CFAP52: variants seen among roughly 807,000 people sequenced by gnomAD.
CFAP52 encodes cilia and flagella associated protein 52, also known as cilia- and flagella-associated protein 52.
CFAP52 carries 57 observed loss-of-function variants against 70.5 expected under a neutral mutation model. The observed-to-expected ratio is 0.81, with a 90% confidence interval of 0.65 to 1.01. The LOEUF (loss-of-function observed/expected upper bound fraction) is 1.01, where lower values mean the gene tolerates loss of function less well. CFAP52 is among the 50% of genes least tolerant of loss of function. The probability of loss-of-function intolerance (pLI) is 0.00; values close to 1 mark genes in which losing one functional copy is unlikely to be tolerated. For missense variants in CFAP52, 785 were observed against 788.5 expected, an observed-to-expected ratio of 1.00 and a Z score of 0.05; for synonymous variants, 267 against 292.5, an observed-to-expected ratio of 0.91 and a Z score of 0.89.
At chr17:9,638,476 G>GAGC (rs1429270076) in intron 11 of CFAP52, 133 bp from the exon 12 acceptor site, 122 of 720,842 alleles carry the variant, frequency 1.7e-4, no homozygotes, top group Non-Finnish European at 2.8e-4. Context: ...CCACTTTGCT[G>GAGC]AGCAGTATGA....
chr17:9,612,436 G>A lies in CFAP52; in HGVS notation c.982G>A (p.Ala328Thr). The stretch of plus-strand genomic sequence containing the variant: ...CACGGATTTCAAAGAGACGCTCATA[G>A]CGACTTGTCACTTTGATGCTGTCGA... The part of the protein sequence containing the change: ...SFTDFKETLI[A>T]TCHFDAVEDI... The change falls in exon 8 of 14, where the codon GCG (alanine) becomes ACG (threonine). Residue 328 changes from alanine to threonine, a missense_variant. Physicochemically the swap from Ala to Thr is moderately conservative, Grantham distance 58 (BLOSUM62 0). Transcript: ENST00000352665. 2 of 1,614,200 alleles carry A rather than the reference G, an allele frequency of 1.2e-6. No individual in the cohort carries two copies. Among genetic ancestry groups the A allele is most frequent in the Non-Finnish European group, 8.5e-7 (1 of 1,180,044 alleles).
At chr17:9,594,805 C>G (rs1165764632) in intron 4 of CFAP52, among the ~76,000 whole-genome samples, 3 of 151,622 alleles carry the variant, frequency 2.0e-5, no homozygotes, top group Non-Finnish European at 2.9e-5. Context: ...AAAGTTTGAA[C>G]AGAGGCCAGT....
Position 9,590,751 on chromosome 17 carries a change from C to A in CFAP52, c.408-3442C>A, listed in dbSNP as rs148288821. Among the ~76,000 whole-genome samples the A allele has an allele frequency of 1.5e-3, 221 of 152,252 alleles. 1 individual carries two copies. Among genetic ancestry groups the A allele is most frequent in the African/African-American group, 5.1e-3 (211 of 41,564 alleles). ...TGTTAATCTCTGCTGTAATTTTAAG[C>A]TGCCTAAAATTTGTTTGCAGAACAT... On this transcript the variant is annotated intron_variant, in intron 3 of 13. Transcript: ENST00000352665.
At chr17:9,636,253 G>GAAAGAAAGAAAGAAAGAA (rs1567637277) in intron 11 of CFAP52, among the ~76,000 whole-genome samples, 11 of 107,684 alleles carry the variant, frequency 1.0e-4, no homozygotes, top group East Asian at 8.3e-4. Context: ...GAAAGAAAGA[G>GAAAGAAAGAAAGAAAGAA]AAAGAAAAAT....
At position 9,598,152 on chromosome 17, in the gene CFAP52, C is replaced by A. The variant is rs1318238810; in HGVS notation, c.537-82C>A. On this transcript the variant is annotated intron_variant, in intron 4 of 13. Coordinates refer to ENST00000352665, the MANE Select transcript of CFAP52 (RefSeq NM_145054.5). ...CGAAGCCTCAAAAATGTTTAGATCT[C>A]TTCCCTTCAGTTTCAGGGATGAAGT... 3 of 1,112,340 alleles carry A rather than the reference C, an allele frequency of 2.7e-6. No homozygotes were observed. The African/African-American group carries it at 4.7e-5, about 17-fold the overall frequency. The allele number at this position is 1,112,340 out of a possible 1,614,324, so 68.9% of individuals were successfully genotyped here. A position where few individuals can be genotyped will look rare whatever the true frequency, so the allele number is the denominator to read the frequency against.
chr17:9,597,801 GAA>G (rs1415827396), intron 4 of CFAP52, among the ~76,000 whole-genome samples: 3 of 121,784 alleles, frequency 2.5e-5, no homozygotes, highest in East Asian at 4.6e-4. Context: ...GACTCTGTCA[GAA>G]AGAGAGAGAG....
intron 5 of CFAP52, 67 bp downstream of exon 5, chr17:9,598,400 G>T: frequency 7.6e-7 from 1 of 1,321,754 alleles, no homozygotes; most frequent in Non-Finnish European, 1.1e-6. Context: ...TGACCAAGGT[G>T]TTTGTGTGTG....
intron 8 of CFAP52, among the ~76,000 whole-genome samples, chr17:9,615,730 C>T (rs966979876): frequency 6.0e-5 from 9 of 149,142 alleles, no homozygotes; most frequent in African/African-American, 1.7e-4. Flanking sequence ...CTGCCTTAAC[C>T]TCTGGAGTAG....
At chr17:9,583,208 A>G (rs1908304135) in intron 1 of CFAP52, among the ~76,000 whole-genome samples, 1 of 152,178 alleles carries the variant, frequency 6.6e-6, no homozygotes, top group African/African-American at 2.4e-5. Flanking sequence ...GTAGGAATAG[A>G]TCACCCTAAA....
chr17:9,630,990 A>AAAAGAAAGAAAGAAAG (rs1183878434), intron 9 of CFAP52, among the ~76,000 whole-genome samples: 4 of 97,582 alleles, frequency 4.1e-5, no homozygotes, highest in African/African-American at 1.6e-4. Flanking sequence ...CATCTCAAAA[A>AAAAGAAAGAAAGAAAG]AAAGAAAGAA....
At chr17:9,596,872 C>A (rs373430345) in intron 4 of CFAP52, among the ~76,000 whole-genome samples, 1 of 152,080 alleles carries the variant, frequency 6.6e-6, no homozygotes, top group Non-Finnish European at 1.5e-5. Context: ...CCCACCACCA[C>A]GCCTGGCTAA....
At chr17:9,630,450 G>C (rs1296452076) in intron 9 of CFAP52, among the ~76,000 whole-genome samples, 1 of 138,224 alleles carries the variant, frequency 7.2e-6, no homozygotes, top group Admixed American at 7.1e-5. Context: ...TTTTTTAAGA[G>C]ACGGAGTCTT....
At chr17:9,633,349 C>T (rs912853883) in intron 10 of CFAP52, among the ~76,000 whole-genome samples, 16 of 151,618 alleles carry the variant, frequency 1.1e-4, no homozygotes, top group South Asian at 4.2e-4. Context: ...GGATTACAGG[C>T]GCACACCGTC....
Position 9,641,801 on chromosome 17 carries a change from G to A in CFAP52, c.1653G>A (p.Met551Ile). ...EGSLSGSING[M>I]DITQEGVHFV... ...CCCTGTCTGGGTCGATAAATGGCAT[G>A]GATATCACACAGGAAGGGGTGCACT... Residue 551 changes from methionine to isoleucine, a missense_variant, in exon 13 of 14, where the codon ATG (methionine) becomes ATA (isoleucine). Transcript: ENST00000352665. 6.2e-7 allele frequency: 1 copy of A among 1,613,936 alleles called. No individual in the cohort carries two copies. The highest frequency in any genetic ancestry group is 8.5e-7 in the Non-Finnish European group (1 of 1,179,854).
rs868673539 is a variant in CFAP52, at chr17:9,634,877, G to T, written c.1321-528G>T. Among the ~76,000 whole-genome samples, 5 of 152,144 alleles carry T rather than the reference G, an allele frequency of 3.3e-5. No homozygotes were observed. The South Asian group carries it at 1.0e-3, about 32-fold the overall frequency. On this transcript the variant is annotated intron_variant, in intron 10 of 13. Coordinates refer to ENST00000352665, the MANE Select transcript of CFAP52 (RefSeq NM_145054.5). ...GTGTGTAGGTAGTTGTATTACCTAT[G>T]AATTTCACTCCAGGATAATACACAG...
chr17:9,585,700 T>C lies in CFAP52; in HGVS notation c.71-73T>C, dbSNP rs563420302. On this transcript the variant is annotated intron_variant, in intron 1 of 13. Transcript: ENST00000352665. ...ACACACACACACACAAAGTGTTGTG[T>C]TTTGTACTCAAGTAGAAAATTCCTG... The C allele has an allele frequency of 4.8e-6, 7 of 1,452,226 alleles. No individual in the cohort carries two copies. In the Admixed American group the frequency reaches 1.0e-4, roughly 21 times the overall value. 90.0% of individuals were successfully genotyped at this position (1,452,226 alleles called of 1,614,324 possible).
chr17:9,645,281 C>T (rs765813471), downstream of CFAP52: 15 of 174,514 alleles, frequency 8.6e-5, no homozygotes, highest in Non-Finnish European at 1.6e-4. This position sits in a 1 kb window ranked among gnomAD's most constrained non-coding sequence, Gnocchi z 6.8. Context: ...GTAATTTCCA[C>T]TGCTTGAAGG....
chr17:9,586,724 G>T lies in CFAP52; in HGVS notation c.297G>T (p.Lys99Asn). 2 of 1,613,028 alleles carry T rather than the reference G, an allele frequency of 1.2e-6. No individual in the cohort carries two copies. Among genetic ancestry groups the T allele is most frequent in the Non-Finnish European group, 1.7e-6 (2 of 1,179,702 alleles). Residue 99 changes from lysine (K) to asparagine (N), a missense_variant, in exon 3 of 14, where the codon AAG (lysine) becomes AAT (asparagine). By Grantham distance (94) the Lys-to-Asn change is moderately conservative. Transcript: ENST00000352665. ...CAGACATCATTTTGTGGGATTATAA[G>T]AACAGAGAGCTGCTTGCTCGGCTGT... ...FKADIILWDY[K>N]NRELLARLSL...
intron 9 of CFAP52, among the ~76,000 whole-genome samples, chr17:9,631,074 GAAAGAAAGAGAA>G (rs1910511381): frequency 1.5e-5 from 2 of 133,126 alleles, no homozygotes; most frequent in East Asian, 2.9e-4. Context: ...AAGAAAGAAA[GAAAGAAAGAGAA>G]AGAAAGAAAG....
Sources: gnomAD v4.1 joint callset for allele counts (sites outside exome capture counted in the v4.1 genomes callset) on GRCh38, gnomAD v4.1.1 for gene constraint, Gnocchi (gnomAD v3.1) non-coding constraint, MANE v1.5 for transcripts, NCBI Gene and HGNC (gene_info 2026-07-23, HGNC 2026-07-21) for gene names.